The following LYN variants were observed in gnomAD, a reference collection of about 807,000 sequenced individuals.
LYN encodes LYN proto-oncogene, Src family tyrosine kinase.
A neutral mutation model predicts 65.0 loss-of-function variants in LYN; 12 were observed. The observed-to-expected ratio is 0.18, with a 90% confidence interval of 0.12 to 0.30. The LOEUF is 0.30. Ranked by LOEUF, LYN falls within the 10% of genes least tolerant of loss-of-function variation. The pLI, the probability that LYN is intolerant of heterozygous loss-of-function variation, is 1.00. For missense variants in LYN, 380 were observed against 623.2 expected (o/e 0.61, Z 4.16); for synonymous variants, 222 against 221.2 (o/e 1.00, Z -0.03).
At chr8:56,005,185 T>C (rs551028580) in intron 12 of LYN, among the ~76,000 whole-genome samples, 53 of 152,330 alleles carry the variant, frequency 3.5e-4, no homozygotes, top group Admixed American at 1.2e-3. Flanking sequence ...GCAACCAGTG[T>C]TCTCAGTCTC....
chr8:55,993,111 A>G (rs1301895619), intron 10 of LYN, among the ~76,000 whole-genome samples: 2 of 152,220 alleles, frequency 1.3e-5, no homozygotes, highest in Non-Finnish European at 2.9e-5. Flanking sequence ...TACCTAATAC[A>G]ACCTTCTTTC....
intron 1 of LYN, among the ~76,000 whole-genome samples, chr8:55,938,663 T>C (rs888152629): frequency 2.6e-5 from 4 of 152,258 alleles, no homozygotes; most frequent in Non-Finnish European, 5.9e-5. Flanking sequence ...ATTGACTCTT[T>C]TGTGGTAAAA....
chr8:55,979,154 TG>T (rs1454745145), intron 10 of LYN, among the ~76,000 whole-genome samples: 2 of 150,708 alleles, frequency 1.3e-5, no homozygotes, highest in Non-Finnish European at 2.9e-5. Context: ...CAAGCAATTC[TG>T]CCTCAGCCTC....
intron 1 of LYN, among the ~76,000 whole-genome samples, chr8:55,892,075 C>T (rs1804976486): frequency 6.6e-6 from 1 of 152,258 alleles, no homozygotes; most frequent in Admixed American, 6.5e-5. Context: ...CCTTCTCCAT[C>T]ATTAAATGTT....
intron 8 of LYN, among the ~76,000 whole-genome samples, chr8:55,965,037 T>TG (rs1033378912): frequency 3.5e-4 from 53 of 151,918 alleles, no homozygotes; most frequent in African/African-American, 1.2e-3. Context: ...CTCCCCATTT[T>TG]TTTTTTAACA....
chr8:55,894,532 G>C (rs1805037772), intron 1 of LYN, among the ~76,000 whole-genome samples: 1 of 138,188 alleles, frequency 7.2e-6, no homozygotes, highest in African/African-American at 2.6e-5. Flanking sequence ...ACTACACCTG[G>C]CTAATTTTTT....
At chr8:55,916,374 T>C (rs1439009132) in intron 1 of LYN, among the ~76,000 whole-genome samples, 1 of 152,196 alleles carries the variant, frequency 6.6e-6, no homozygotes, top group Non-Finnish European at 1.5e-5. Context: ...AACTTAAAAA[T>C]GGTGCTTCTA....
chr8:55,913,845 C>T (rs1243428944), intron 1 of LYN, among the ~76,000 whole-genome samples: 2 of 152,086 alleles, frequency 1.3e-5, no homozygotes, highest in African/African-American at 2.4e-5. Context: ...CAAGCAAGTG[C>T]GAGGGCACCA....
chr8:55,884,674 T>G (rs1804742072), intron 1 of LYN, among the ~76,000 whole-genome samples: 1 of 151,706 alleles, frequency 6.6e-6, no homozygotes, highest in Non-Finnish European at 1.5e-5. Flanking sequence ...AGGGTGGTCT[T>G]GAACTCCTGA....
chr8:55,987,012 G>A (rs941931154), intron 10 of LYN, among the ~76,000 whole-genome samples: 2 of 152,008 alleles, frequency 1.3e-5, no homozygotes, highest in Admixed American at 6.6e-5. Context: ...CGCCACATTC[G>A]GCCTAAGTTG....
intron 10 of LYN, among the ~76,000 whole-genome samples, chr8:55,979,247 G>A (rs1193638418): frequency 6.6e-6 from 1 of 151,938 alleles, no homozygotes; most frequent in Non-Finnish European, 1.5e-5. Flanking sequence ...TCACCATGTT[G>A]GCCAGGCTGG....
In LYN at chr8:55,917,108, C is replaced by T. The variant is rs549610572; in HGVS notation, c.-5-24747C>T. On this transcript the variant is annotated intron_variant, in intron 1 of 12. Transcript: ENST00000519728. ...ACAAGAATCACCTGAACCCAGGAGA[C>T]GAGGCTGCAGTGAGCCAAGATCACA... Among the ~76,000 whole-genome samples the T allele has an allele frequency of 1.9e-4, 28 of 150,374 alleles. No individual in the cohort carries two copies. In the South Asian group the frequency reaches 4.2e-3, roughly 23 times the overall value.
chr8:55,982,680 T>C (rs1448925551), intron 10 of LYN, among the ~76,000 whole-genome samples: 1 of 152,190 alleles, frequency 6.6e-6, no homozygotes, highest in Non-Finnish European at 1.5e-5. Flanking sequence ...AGCCCTGTCA[T>C]CATTCCATCA....
chr8:55,969,136 G>T (rs1215808725), intron 9 of LYN, among the ~76,000 whole-genome samples: 1 of 152,164 alleles, frequency 6.6e-6, no homozygotes, highest in African/African-American at 2.4e-5. Flanking sequence ...GAATTAGCTG[G>T]GTGTGATGGC....
intron 8 of LYN, among the ~76,000 whole-genome samples, chr8:55,965,236 G>A (rs528784582): frequency 1.4e-4 from 21 of 152,310 alleles, no homozygotes; most frequent in African/African-American, 4.3e-4. Context: ...TGCCCAGAGC[G>A]TGTTCCATGC....
chr8:55,995,749 G>T (rs1334702543), intron 10 of LYN, among the ~76,000 whole-genome samples: 1 of 152,132 alleles, frequency 6.6e-6, no homozygotes, highest in Non-Finnish European at 1.5e-5. Flanking sequence ...AAAGGAGGGG[G>T]TCGTGGTGAG....
intron 1 of LYN, among the ~76,000 whole-genome samples, chr8:55,889,079 G>A (rs1804881553): frequency 6.6e-6 from 1 of 152,148 alleles, no homozygotes; most frequent in Admixed American, 6.5e-5. Flanking sequence ...GTGCAGTGGT[G>A]CTATCTCGGC....
Position 55,971,356 on chromosome 8 carries a change from C to T in LYN, c.1050+1563C>T, listed in dbSNP as rs924741423. Among the ~76,000 whole-genome samples, 5 of 152,158 alleles carry T rather than the reference C, an allele frequency of 3.3e-5. 1 individual carries two copies. Among genetic ancestry groups the T allele is most frequent in the Non-Finnish European group, 7.4e-5 (5 of 68,026 alleles). The stretch of plus-strand genomic sequence containing the variant: ...TGGGGTTGGGCACAGCTCTAGAACC[C>T]GTGTAGAAAACAGATCAGGAAATGG... On this transcript the variant is annotated intron_variant, in intron 10 of 12. Coordinates refer to ENST00000519728, the MANE Select transcript of LYN (RefSeq NM_002350.4).
intron 10 of LYN, among the ~76,000 whole-genome samples, chr8:55,972,078 T>G (rs530802722): frequency 1.6e-4 from 25 of 152,154 alleles, no homozygotes; most frequent in Non-Finnish European, 3.2e-4. Context: ...CCGTGCCAGG[T>G]GAACTCATGT....
Sources: gnomAD v4.1 joint callset for allele counts (sites outside exome capture counted in the v4.1 genomes callset) on GRCh38, gnomAD v4.1.1 for gene constraint, MANE v1.5 for transcripts, NCBI Gene and HGNC (gene_info 2026-07-23, HGNC 2026-07-21) for gene names.